Variants in ITGAM observed in about 807,000 individuals in gnomAD.
ITGAM encodes the protein integrin alpha-M.
Under a neutral mutation model 137.5 loss-of-function variants are expected in ITGAM, and 79 were observed. That is an observed-to-expected ratio of 0.57 (90% CI 0.48 to 0.69). The LOEUF is 0.69. Ranked by LOEUF, ITGAM falls within the 30% of genes least tolerant of loss-of-function variation. The pLI, the probability that ITGAM is intolerant of heterozygous loss-of-function variation, is 0.00. For synonymous variants in ITGAM, 583 were observed against 592.3 expected (o/e 0.98, Z 0.23); for missense variants, 1,343 against 1,483.5 (o/e 0.91, Z 1.56).
At chr16:31,325,454 A>G in intron 20 of ITGAM, 46 bp from the exon 21 acceptor site, 1 of 1,612,850 alleles carries the variant, frequency 6.2e-7, no homozygotes, top group Non-Finnish European at 8.5e-7. Flanking sequence ...CCCCATCCTC[A>G]CGGCCGGAGG....
chr16:31,325,105 C>T lies in ITGAM; in HGVS notation c.2363+74C>T, dbSNP rs1366185123. On this transcript the variant is annotated intron_variant, in intron 19 of 29. Transcript: ENST00000544665. ...GACCCGCTCTTTTCTCCTCCTGGCC[C>T]CCAAGGGAGCCGGGTGTTCCTGGGC... is the stretch of plus-strand genomic sequence containing the variant. 8.0e-6 allele frequency: 12 copies of T among 1,495,316 alleles called. No homozygotes were observed. The African/African-American group carries it at 1.3e-4, about 16-fold the overall frequency. The allele number at this position is 1,495,316 out of a possible 1,614,324, so 92.6% of individuals were successfully genotyped here.
intron 14 of ITGAM, among the ~76,000 whole-genome samples, chr16:31,302,946 TTCTTTCTTTC>T (rs1296626321): frequency 8.5e-6 from 1 of 117,550 alleles, no homozygotes; most frequent in African/African-American, 3.2e-5. Flanking sequence ...CTTTCTTTCT[TTCTTTCTTTC>T]TTTCTTTCTT....
At chr16:31,304,470 T>C (rs1334347821) in intron 14 of ITGAM, among the ~76,000 whole-genome samples, 3 of 152,172 alleles carry the variant, frequency 2.0e-5, no homozygotes, top group Non-Finnish European at 4.4e-5. Flanking sequence ...TTTAGTTTAA[T>C]TAGGTCCCAT....
chr16:31,329,095 C>T (rs2080547016), intron 23 of ITGAM, 133 bp from the exon 24 acceptor site: 1 of 640,140 alleles, frequency 1.6e-6, no homozygotes. Flanking sequence ...CTGCACCCCA[C>T]CCCATCTCCA....
At chr16:31,328,270 G>A (rs371867245) in intron 23 of ITGAM, 40 bp downstream of exon 23, 1 of 1,425,004 alleles carries the variant, frequency 7.0e-7, no homozygotes, top group African/African-American at 1.4e-5. Flanking sequence ...TCCACTTCTG[G>A]GCTGGACATG....
chr16:31,305,610 T>G (rs2080256822), intron 14 of ITGAM, among the ~76,000 whole-genome samples: 1 of 152,180 alleles, frequency 6.6e-6, no homozygotes, highest in South Asian at 2.1e-4. Context: ...ATAATGGCTT[T>G]TATTATTTTG....
chr16:31,319,440 T>G (rs2080425012), intron 14 of ITGAM, among the ~76,000 whole-genome samples: 1 of 152,170 alleles, frequency 6.6e-6, no homozygotes, highest in Admixed American at 6.5e-5. Flanking sequence ...TCATTATTTG[T>G]TTTTTGACTT....
In ITGAM at chr16:31,325,568, C is replaced by T; in HGVS notation, c.2574C>T (p.Ala858=). ...CCTCCTCCACCGAAGTGTCTGGGGCCTTGAAGAGCACCAGCTGCAGCATAA... is the reference window on the plus strand; with the variant it reads ...CCTCCTCCACCGAAGTGTCTGGGGCTTTGAAGAGCACCAGCTGCAGCATAA... ...ESASSTEVSG[A]LKSTSCSINH... is the part of the protein sequence containing the mutation. Residue 858 remains alanine (A), a synonymous_variant, in exon 21 of 30, where the codon GCC becomes GCT. Coordinates refer to ENST00000544665, the MANE Select transcript of ITGAM (RefSeq NM_000632.4). 2 of 1,613,936 alleles carry T rather than the reference C, an allele frequency of 1.2e-6. No individual in the cohort carries two copies. The highest frequency in any genetic ancestry group is 8.5e-7 in the Non-Finnish European group (1 of 1,179,860).
rs1030677691 is a variant in ITGAM, at chr16:31,310,599, AT to A, written c.1708-10634del. On this transcript the variant is annotated intron_variant, in intron 14 of 29. Coordinates refer to ENST00000544665, the MANE Select transcript of ITGAM (RefSeq NM_000632.4). ...ATTATTCTAGTTATCCATTCGTCTA[AT>A]TTTTTTTCAAAGTTTTTAACTTCTT... is the stretch of plus-strand genomic sequence containing the variant. Among the ~76,000 whole-genome samples, 15 of 151,776 alleles carry A rather than the reference AT, an allele frequency of 9.9e-5. No homozygotes were observed. The East Asian group carries it at 1.9e-3, about 20-fold the overall frequency.
At chr16:31,270,699 G>GTGTGTGTATA (rs1477833816) in intron 5 of ITGAM, among the ~76,000 whole-genome samples, 5 of 26,008 alleles carry the variant, frequency 1.9e-4, no homozygotes, top group African/African-American at 5.7e-4. Context: ...GTGTGTGTGT[G>GTGTGTGTATA]TATATATATA....
At chr16:31,319,893 A>G (rs1438596688) in intron 14 of ITGAM, among the ~76,000 whole-genome samples, 1 of 151,768 alleles carries the variant, frequency 6.6e-6, no homozygotes, top group African/African-American at 2.4e-5. Flanking sequence ...GCTCACTGCA[A>G]GCTCCGCCTC....
intron 14 of ITGAM, among the ~76,000 whole-genome samples, chr16:31,302,724 A>T (rs2144403074): frequency 6.6e-6 from 1 of 151,880 alleles, no homozygotes; most frequent in Middle Eastern, 3.4e-3. Flanking sequence ...TTTAGGAGAG[A>T]CGGGGTTTCA....
chr16:31,294,548 A>G (rs2080115177), intron 12 of ITGAM, among the ~76,000 whole-genome samples: 1 of 152,130 alleles, frequency 6.6e-6, no homozygotes, highest in Non-Finnish European at 1.5e-5. Flanking sequence ...TGATTTGCAT[A>G]TGTTGAACCA....
rs1382688435 is a variant in ITGAM at position 31,332,424 on chromosome 16, C to T, written c.*717C>T. On this transcript the variant is annotated 3_prime_UTR_variant, in exon 30 of 30. Coordinates refer to ENST00000544665, the MANE Select transcript of ITGAM (RefSeq NM_000632.4). ...GGATTCATTTATTATTTCAATGTGA[C>T]TTTAATTTTTTGGATGGATAAGCTT... The T allele has an allele frequency of 2.0e-5, 3 of 152,224 alleles. No homozygotes were observed. Among genetic ancestry groups the T allele is most frequent in the Admixed American group, 6.5e-5 (1 of 15,284 alleles). 9.4% of individuals were successfully genotyped at this position (152,224 alleles called of 1,614,324 possible).
intron 14 of ITGAM, 32 bp from the exon 15 acceptor site, chr16:31,321,209 T>C (rs2144480863): frequency 6.2e-7 from 1 of 1,612,370 alleles, no homozygotes. Context: ...TTCCTACCCC[T>C]TTCTCTCTCC....
intron 12 of ITGAM, among the ~76,000 whole-genome samples, chr16:31,294,381 G>A (rs2080113449): frequency 6.6e-6 from 1 of 152,038 alleles, no homozygotes; most frequent in African/African-American, 2.4e-5. Context: ...GTTGTAGATG[G>A]CTCTTATTAT....
At chr16:31,290,691 T>A (rs558902436) in intron 12 of ITGAM, among the ~76,000 whole-genome samples, 53 of 152,082 alleles carry the variant, frequency 3.5e-4, no homozygotes, top group Non-Finnish European at 5.7e-4. Flanking sequence ...GAATATCTAC[T>A]TTTATAATTC....
At chr16:31,289,866 G>A (rs2080068800) in intron 12 of ITGAM, among the ~76,000 whole-genome samples, 1 of 152,094 alleles carries the variant, frequency 6.6e-6, no homozygotes, top group Non-Finnish European at 1.5e-5. Context: ...TGGATCACCT[G>A]AGGTCAGGAG....
intron 14 of ITGAM, among the ~76,000 whole-genome samples, chr16:31,306,693 G>C (rs1047810823): frequency 3.3e-5 from 5 of 151,992 alleles, no homozygotes; most frequent in Non-Finnish European, 7.4e-5. Flanking sequence ...TGTATTTTTA[G>C]TAGAGATTGG....
Sources: gnomAD v4.1 joint callset for allele counts (sites outside exome capture counted in the v4.1 genomes callset) on GRCh38, gnomAD v4.1.1 for gene constraint, MANE v1.5 for transcripts, NCBI Gene and HGNC (gene_info 2026-07-23, HGNC 2026-07-21) for gene names.